Variants in ABCC8 observed in about 807,000 individuals in gnomAD.
ABCC8 encodes ATP-binding cassette sub-family C member 8.
ABCC8 carries 137 observed loss-of-function variants against 188.0 expected under a neutral mutation model. That is an observed-to-expected ratio of 0.73 (90% CI 0.63 to 0.84). The LOEUF is 0.84. Ranked by LOEUF, ABCC8 falls within the 40% of genes least tolerant of loss-of-function variation. The probability of loss-of-function intolerance (pLI) is 0.00; values close to 1 mark genes in which losing one functional copy is unlikely to be tolerated. For synonymous variants in ABCC8, 797 were observed against 846.5 expected (o/e 0.94, Z 1.01); for missense variants, 1,750 against 2,072.7 (o/e 0.84, Z 3.02).
In ABCC8 at chr11:17,461,788, G is replaced by T. The variant is rs1241292075; in HGVS notation, c.617C>A (p.Pro206His). The T allele has an allele frequency of 6.2e-7, 1 of 1,614,046 alleles. No homozygotes were observed. Among genetic ancestry groups the T allele is most frequent in the Non-Finnish European group, 8.5e-7 (1 of 1,180,036 alleles). The change falls in exon 5 of 39, where the codon CCT (proline) becomes CAT (histidine). Residue 206 changes from proline (P) to histidine (H), a missense_variant. Coordinates refer to ENST00000389817, the MANE Select transcript of ABCC8 (RefSeq NM_000352.6). Reference sequence around the variant, plus strand: ...CCCCAGGTCTTGCAGGTCCTCGGGAGGCTTCACCTCCCTCGGTGTCTTGAA... The same window carrying T: ...CCCCAGGTCTTGCAGGTCCTCGGGATGCTTCACCTCCCTCGGTGTCTTGAA... ...IFFKTPREVK[P>H]PEDLQDLGVR...
chr11:17,446,643 G>A (rs1295075095), intron 8 of ABCC8, among the ~76,000 whole-genome samples: 1 of 152,170 alleles, frequency 6.6e-6, no homozygotes, highest in East Asian at 1.9e-4. Context: ...AGGCCCTTTT[G>A]TAGCTTTTAT....
chr11:17,395,225 G>A lies in ABCC8; in HGVS notation c.4358C>T (p.Ala1453Val). The change falls in exon 36 of 39, where the codon GCC becomes GTC. Residue 1453 changes from alanine to valine, a missense_variant. Coordinates refer to ENST00000389817, the MANE Select transcript of ABCC8 (RefSeq NM_000352.6). Reference sequence around the variant, plus strand: ...CAGCTTCAGCTGGGCGATTTCCAGGGCCTCCCACAGTGTGCTATCTGAGCA... The same window carrying A: ...CAGCTTCAGCTGGGCGATTTCCAGGACCTCCCACAGTGTGCTATCTGAGCA... ...RKCSDSTLWE[A>V]LEIAQLKLVV... is the part of the protein sequence containing the mutation. 6.3e-7 allele frequency: 1 copy of A among 1,598,920 alleles called. No individual in the cohort carries two copies.
chr11:17,459,870 T>C (rs1957123246), intron 6 of ABCC8, among the ~76,000 whole-genome samples: 1 of 152,226 alleles, frequency 6.6e-6, no homozygotes, highest in Non-Finnish European at 1.5e-5. Flanking sequence ...GGCCATTGGA[T>C]ATAATCTAGT....
intron 6 of ABCC8, among the ~76,000 whole-genome samples, chr11:17,458,618 C>A (rs12282638): frequency 0.07 from 10,625 of 152,230 alleles, 1,276 homozygotes; most frequent in African/African-American, 0.24. Flanking sequence ...AGGTGACACT[C>A]CTGTAGACAA....
At chr11:17,442,945 C>T (rs1028501064) in intron 9 of ABCC8, 63 bp from the exon 10 acceptor site, 2 of 1,604,174 alleles carry the variant, frequency 1.2e-6, no homozygotes, top group Non-Finnish European at 1.7e-6. Flanking sequence ...GAGAGGAAGG[C>T]CTGAGTGTCA....
chr11:17,438,096 A>G (rs3781950), intron 10 of ABCC8, among the ~76,000 whole-genome samples: 69,573 of 151,960 alleles, frequency 0.46, 17,251 homozygotes, highest in African/African-American at 0.66. Flanking sequence ...GTGAGACTCC[A>G]TCTCAAAACA....
At chr11:17,460,820 A>G in intron 5 of ABCC8, 144 bp from the exon 6 acceptor site, 1 of 1,490,246 alleles carries the variant, frequency 6.7e-7, no homozygotes, top group Non-Finnish European at 8.9e-7. Context: ...CCAGGAAGAG[A>G]TCATGGAATC....
At position 17,428,312 on chromosome 11, in the gene ABCC8, CG is replaced by C; in HGVS notation, c.2016del (p.Asp673MetfsTer36). 1 of 1,614,166 alleles carries C rather than the reference CG, an allele frequency of 6.2e-7. No individual in the cohort carries two copies. Among genetic ancestry groups the C allele is most frequent in the Non-Finnish European group, 8.5e-7 (1 of 1,180,034 alleles). On this transcript the variant is annotated frameshift_variant, in exon 14 of 39. Coordinates refer to ENST00000389817, the MANE Select transcript of ABCC8 (RefSeq NM_000352.6). LOFTEE classifies it high-confidence loss of function. Reference protein sequence around the residue: ...PLQSLVPSADGDADNCCVQIM... With the variant: ...PLQSLVPSADXDADNCCVQIM... Reference sequence around the variant, plus strand: ...ACCTGGACACAGCAGTTGTCAGCATCGCCATCTGCACTGGGGACCAGGCTCT... The same window carrying C: ...ACCTGGACACAGCAGTTGTCAGCATCCCATCTGCACTGGGGACCAGGCTCT...
rs1591846346 is a variant in ABCC8, at chr11:17,448,645, G to A, written c.1203C>T (p.His401=). The change falls in exon 8 of 39, where the codon CAC becomes CAT. Residue 401 remains histidine (H), a synonymous_variant. Coordinates refer to ENST00000389817, the MANE Select transcript of ABCC8 (RefSeq NM_000352.6). ...CCATGGACAGGTTGGAGGTGGACAG[G>A]TGCATAATTTTATTGTAAATCTTGG... ...IQTKIYNKIM[H]LSTSNLSMGE... 4 of 1,614,074 alleles carry A rather than the reference G, an allele frequency of 2.5e-6. No individual in the cohort carries two copies. The highest frequency in any genetic ancestry group is 1.6e-4 in the Middle Eastern group (1 of 6,084).
chr11:17,449,482 C>A (rs1414053873), intron 7 of ABCC8, among the ~76,000 whole-genome samples: 1 of 152,222 alleles, frequency 6.6e-6, no homozygotes, highest in Non-Finnish European at 1.5e-5. Context: ...TCAGCCCCAG[C>A]ACCATCCCCA....
chr11:17,415,189 C>T (rs564068536), intron 18 of ABCC8, 115 bp downstream of exon 18: 3 of 1,469,966 alleles, frequency 2.0e-6, no homozygotes, highest in Non-Finnish European at 2.8e-6. Flanking sequence ...CTGGCCTCCC[C>T]CAACACTGGG....
chr11:17,411,554 C>T (rs1954805505), intron 21 of ABCC8, among the ~76,000 whole-genome samples: 1 of 152,156 alleles, frequency 6.6e-6, no homozygotes, highest in Non-Finnish European at 1.5e-5. Context: ...AAGCTGGAAT[C>T]AGAGACTTGA....
chr11:17,442,224 C>T (rs1447982749), intron 10 of ABCC8, among the ~76,000 whole-genome samples: 10 of 152,208 alleles, frequency 6.6e-5, no homozygotes, highest in Admixed American at 6.5e-4. Flanking sequence ...AGTCCCTACA[C>T]CTGTGAGTAC....
intron 10 of ABCC8, among the ~76,000 whole-genome samples, chr11:17,442,153 T>C (rs1005810018): frequency 7.9e-5 from 12 of 152,150 alleles, no homozygotes; most frequent in Middle Eastern, 3.2e-3. Flanking sequence ...CTTTTACCAG[T>C]TTTGGTCTTT....
At chr11:17,407,226 G>T in intron 24 of ABCC8, 97 bp from the exon 25 acceptor site, 4 of 1,607,074 alleles carry the variant, frequency 2.5e-6, no homozygotes, top group Non-Finnish European at 3.4e-6. Context: ...GGACAACGGG[G>T]GCACACAGAG....
At chr11:17,394,123 C>T in intron 37 of ABCC8, 143 bp downstream of exon 37, 1 of 1,146,634 alleles carries the variant, frequency 8.7e-7, no homozygotes, top group Non-Finnish European at 1.3e-6. Context: ...CAGGGTCCCC[C>T]CAGCTCTTTT....
At chr11:17,415,887 G>A (rs1322833831) in intron 17 of ABCC8, among the ~76,000 whole-genome samples, 9 of 152,304 alleles carry the variant, frequency 5.9e-5, no homozygotes, top group Admixed American at 1.3e-4. Flanking sequence ...AGACAACCAC[G>A]GAATGTGGGG....
chr11:17,430,410 T>G (rs1955790731), intron 12 of ABCC8: 2 of 341,606 alleles, frequency 5.9e-6, no homozygotes, highest in South Asian at 4.8e-5. Flanking sequence ...CTGGGAAAGA[T>G]AGACACAGTG....
At chr11:17,396,871 T>C in intron 33 of ABCC8, 45 bp downstream of exon 33, 1 of 1,609,648 alleles carries the variant, frequency 6.2e-7, no homozygotes, top group Non-Finnish European at 8.5e-7. Context: ...CCCCATCCCC[T>C]GCTCACGCCT....
Sources: allele counts gnomAD v4.1 joint callset (sites outside exome capture counted in the v4.1 genomes callset), GRCh38; gene constraint gnomAD v4.1.1; transcripts MANE v1.5; gene names NCBI Gene and HGNC (gene_info 2026-07-23, HGNC 2026-07-21).